Variants in MYZAP observed in about 807,000 individuals in gnomAD.
The protein encoded by MYZAP is GRINL1A complex locus upstream.
Under a neutral mutation model 69.4 loss-of-function variants are expected in MYZAP, and 66 were observed. That is an observed-to-expected ratio of 0.95 (90% CI 0.78 to 1.17). The LOEUF (loss-of-function observed/expected upper bound fraction) is 1.17, where lower values mean the gene tolerates loss of function less well. Ranked by LOEUF, MYZAP falls within the 50% of genes most tolerant of loss-of-function variation. The pLI is 0.00. For missense variants in MYZAP, 611 were observed against 556.2 expected (o/e 1.10, Z -0.99); for synonymous variants, 256 against 205.9 (o/e 1.24, Z -2.09).
chr15:57,682,307 G>A (rs1367982585), intron 12 of MYZAP, among the ~76,000 whole-genome samples: 2 of 152,146 alleles, frequency 1.3e-5, no homozygotes, highest in East Asian at 3.8e-4. Context: ...AGTCATTTCT[G>A]CCTGTTTAGT....
intron 1 of MYZAP, among the ~76,000 whole-genome samples, chr15:57,603,438 A>AT (rs2034543024): frequency 6.6e-6 from 1 of 151,972 alleles, no homozygotes; most frequent in African/African-American, 2.4e-5. Context: ...TATCTCGAGG[A>AT]TTTTTTTCAT....
intron 12 of MYZAP, among the ~76,000 whole-genome samples, chr15:57,679,493 C>T (rs1162186289): frequency 6.6e-6 from 1 of 151,964 alleles, no homozygotes. Context: ...ATGCTTGGCA[C>T]ATACTAGGCA....
chr15:57,661,975 T>A (rs1354244811), intron 11 of MYZAP, among the ~76,000 whole-genome samples: 1 of 152,182 alleles, frequency 6.6e-6, no homozygotes, highest in Admixed American at 6.5e-5. Flanking sequence ...GTGGTTTTGC[T>A]CAAGGTTGCC....
chr15:57,650,488 A>G (rs982379488), intron 10 of MYZAP, among the ~76,000 whole-genome samples: 5 of 152,218 alleles, frequency 3.3e-5, no homozygotes, highest in African/African-American at 1.2e-4. Flanking sequence ...TGGGAAACTT[A>G]GTGGTTAAGT....
rs1384991012 is a variant in MYZAP at position 57,637,746 on chromosome 15, G to T, written c.985G>T (p.Gly329Trp). 1 of 1,612,474 alleles carries T rather than the reference G, an allele frequency of 6.2e-7. No homozygotes were observed. Among genetic ancestry groups the T allele is most frequent in the East Asian group, 2.2e-5 (1 of 44,818 alleles). The change falls in exon 9 of 13, where the codon GGG becomes TGG. Residue 329 changes from glycine (G) to tryptophan (W), a missense_variant. Physicochemically the swap from Gly to Trp is radical, Grantham distance 184. Transcript: ENST00000267853. ...CCTAGAACATGAAACAGAAATGTCT[G>T]GGGAGTTAACTGATTCTGACAAGGA... ...QLLEHETEMSGELTDSDKERY... is the reference protein window; with the variant it reads ...QLLEHETEMSWELTDSDKERY...
chr15:57,617,343 A>G (rs1414125674), intron 2 of MYZAP, among the ~76,000 whole-genome samples: 13 of 152,162 alleles, frequency 8.5e-5, no homozygotes, highest in Non-Finnish European at 7.4e-5. Context: ...TTAAGCCTTC[A>G]TTCTATAAAG....
chr15:57,598,568 A>G (rs1449577254), intron 1 of MYZAP, among the ~76,000 whole-genome samples: 2 of 152,202 alleles, frequency 1.3e-5, no homozygotes, highest in African/African-American at 2.4e-5. Flanking sequence ...TGTGTGGTGC[A>G]TGGAACACTG....
chr15:57,593,137 G>C (rs1374572889), intron 1 of MYZAP, among the ~76,000 whole-genome samples: 1 of 113,382 alleles, frequency 8.8e-6, no homozygotes, highest in African/African-American at 3.2e-5. Flanking sequence ...GATGGATTCT[G>C]GGGTGTGTGT....
At chr15:57,632,011 C>A (rs2036534031) in intron 6 of MYZAP, among the ~76,000 whole-genome samples, 1 of 152,132 alleles carries the variant, frequency 6.6e-6, no homozygotes, top group South Asian at 2.1e-4. Context: ...CTTAGTGTTC[C>A]CCATGCTAGG....
chr15:57,595,798 A>G (rs1358630729), intron 1 of MYZAP, among the ~76,000 whole-genome samples: 3 of 152,146 alleles, frequency 2.0e-5, no homozygotes, highest in African/African-American at 7.2e-5. Context: ...GGATAGGACT[A>G]TCTCCTAGCC....
At chr15:57,641,075 C>G (rs1348111066) in intron 10 of MYZAP, among the ~76,000 whole-genome samples, 1 of 152,120 alleles carries the variant, frequency 6.6e-6, no homozygotes, top group Non-Finnish European at 1.5e-5. Flanking sequence ...CTTATTTTCC[C>G]CTATGCGAGT....
intron 2 of MYZAP, among the ~76,000 whole-genome samples, chr15:57,610,833 T>G (rs564799285): frequency 6.6e-6 from 1 of 152,294 alleles, no homozygotes; most frequent in South Asian, 2.1e-4. Context: ...GAAAACCCAC[T>G]GGACTATACA....
intron 4 of MYZAP, among the ~76,000 whole-genome samples, chr15:57,625,190 C>G (rs905802756): frequency 2.6e-5 from 4 of 152,096 alleles, no homozygotes; most frequent in African/African-American, 9.7e-5. Context: ...TCGCCTGCCT[C>G]AGCCTTCCAC....
chr15:57,630,745 A>AT (rs2036453227), intron 6 of MYZAP, among the ~76,000 whole-genome samples: 2 of 152,328 alleles, frequency 1.3e-5, no homozygotes, highest in East Asian at 3.9e-4. Context: ...TTAATAAATT[A>AT]TATCTTGGAT....
At chr15:57,668,666 CT>C (rs2038713459) in intron 11 of MYZAP, among the ~76,000 whole-genome samples, 1 of 151,966 alleles carries the variant, frequency 6.6e-6, no homozygotes, top group Non-Finnish European at 1.5e-5. Context: ...TTTTCATATG[CT>C]TTTTGCCATT....
intron 3 of MYZAP, 78 bp from the exon 4 acceptor site, chr15:57,621,528 TAG>T: frequency 1.3e-6 from 2 of 1,536,144 alleles, no homozygotes; most frequent in Non-Finnish European, 1.8e-6. Context: ...CTTCTTTCTT[TAG>T]AGTTTCTTAA....
chr15:57,603,993 G>A (rs1481700461), intron 1 of MYZAP, among the ~76,000 whole-genome samples: 1 of 152,106 alleles, frequency 6.6e-6, no homozygotes, highest in African/African-American at 2.4e-5. Flanking sequence ...TATTCTTATG[G>A]AAACTGAGCC....
At chr15:57,597,421 C>A (rs2034132392) in intron 1 of MYZAP, among the ~76,000 whole-genome samples, 2 of 152,192 alleles carry the variant, frequency 1.3e-5, no homozygotes, top group African/African-American at 4.8e-5. Context: ...TTTCTTTAAG[C>A]ATTACTCCCT....
intron 8 of MYZAP, 99 bp downstream of exon 8, chr15:57,633,840 C>G (rs1462669425): frequency 1.6e-6 from 2 of 1,286,884 alleles, no homozygotes; most frequent in South Asian, 6.4e-5. Flanking sequence ...CCTCTCACCT[C>G]CAAAATTTGC....
Sources: allele counts gnomAD v4.1 joint callset (sites outside exome capture counted in the v4.1 genomes callset), GRCh38; gene constraint gnomAD v4.1.1; transcripts MANE v1.5; gene names NCBI Gene and HGNC (gene_info 2026-07-23, HGNC 2026-07-21).